The following ATP8A2 variants were observed in gnomAD, a reference collection of about 807,000 sequenced individuals.
ATP8A2 encodes ATPase phospholipid transporting 8A2.
ATP8A2 carries 100 observed loss-of-function variants against 165.6 expected under a neutral mutation model. The observed-to-expected ratio is 0.60, with a 90% CI of 0.51 to 0.71. ATP8A2 has a LOEUF of 0.71. Ranked by LOEUF, ATP8A2 falls within the 30% of genes least tolerant of loss-of-function variation. ATP8A2 has a pLI of 0.00. For missense variants in ATP8A2, 1,227 were observed against 1,479.5 expected, an observed-to-expected ratio of 0.83 and a Z score of 2.80; for synonymous variants, 543 against 548.8, an observed-to-expected ratio of 0.99 and a Z score of 0.15.
chr13:25,878,470 T>A (rs1952880825), intron 33 of ATP8A2, among the ~76,000 whole-genome samples: 1 of 84,380 alleles, frequency 1.2e-5, no homozygotes, highest in South Asian at 3.0e-4. Flanking sequence ...GAATGACTAT[T>A]CCATAGGCAG....
intron 36 of ATP8A2, among the ~76,000 whole-genome samples, chr13:26,013,207 C>G (rs1956886567): frequency 6.6e-6 from 1 of 152,072 alleles, no homozygotes; most frequent in Non-Finnish European, 1.5e-5. Context: ...TGAGGCAGAT[C>G]CAGGCCACCT....
chr13:25,896,823 A>G (rs1053396125), intron 33 of ATP8A2, among the ~76,000 whole-genome samples: 2 of 152,048 alleles, frequency 1.3e-5, no homozygotes, highest in African/African-American at 4.8e-5. Context: ...TTGTTGGTTT[A>G]AAGTCTGTTT....
chr13:25,395,033 T>A (rs896149838), intron 1 of ATP8A2, among the ~76,000 whole-genome samples: 1 of 152,264 alleles, frequency 6.6e-6, no homozygotes, highest in African/African-American at 2.4e-5. Context: ...CTCTAGCCTA[T>A]GTACTTCTTT....
chr13:25,810,935 T>C (rs1324511698), intron 27 of ATP8A2, among the ~76,000 whole-genome samples: 1 of 152,236 alleles, frequency 6.6e-6, no homozygotes, highest in Non-Finnish European at 1.5e-5. Context: ...GATACAATTC[T>C]GATTATGTTT....
At chr13:25,831,133 CCTG>C (rs1186617420) in intron 28 of ATP8A2, among the ~76,000 whole-genome samples, 1 of 152,060 alleles carries the variant, frequency 6.6e-6, no homozygotes, top group Non-Finnish European at 1.5e-5. Context: ...GTATTTCTCT[CCTG>C]CTTTTTCTTC....
chr13:26,012,382 G>T, intron 35 of ATP8A2, 149 bp from the exon 36 acceptor site: 1 of 652,442 alleles, frequency 1.5e-6, no homozygotes. Flanking sequence ...GATGGCATCT[G>T]CTGGAAATCA....
chr13:25,929,443 C>A (rs1373422479), intron 33 of ATP8A2, among the ~76,000 whole-genome samples: 5 of 152,234 alleles, frequency 3.3e-5, no homozygotes, highest in African/African-American at 4.8e-5. Context: ...TTCAGAATTA[C>A]ATTGGGTCAC....
At chr13:25,731,913 A>T (rs1440481091) in intron 25 of ATP8A2, among the ~76,000 whole-genome samples, 1 of 152,172 alleles carries the variant, frequency 6.6e-6, no homozygotes, top group Admixed American at 6.5e-5. Context: ...CTGAAAATGG[A>T]AGTGGTTGAT....
chr13:25,379,512 T>C (rs1230776384), intron 1 of ATP8A2, among the ~76,000 whole-genome samples: 1 of 152,244 alleles, frequency 6.6e-6, no homozygotes, highest in African/African-American at 2.4e-5. Flanking sequence ...ATTTGGTTAC[T>C]GCACCATGGG....
intron 15 of ATP8A2, among the ~76,000 whole-genome samples, chr13:25,560,895 T>G (rs2039127365): frequency 6.6e-6 from 1 of 151,392 alleles, no homozygotes; most frequent in African/African-American, 2.4e-5. Context: ...TTTTTCCTTT[T>G]TTTTTTTTTG....
intron 24 of ATP8A2, among the ~76,000 whole-genome samples, chr13:25,644,804 A>G (rs951665373): frequency 4.6e-5 from 7 of 152,128 alleles, no homozygotes; most frequent in Admixed American, 1.3e-4. Context: ...GTAGAAATTT[A>G]TCCACTTATT....
At chr13:25,748,497 T>C (rs1391878608) in intron 25 of ATP8A2, among the ~76,000 whole-genome samples, 6 of 152,214 alleles carry the variant, frequency 3.9e-5, no homozygotes, top group Non-Finnish European at 8.8e-5. Flanking sequence ...GTAAGATATT[T>C]GTTGCTTTTT....
chr13:25,437,336 G>A (rs1470930363), intron 1 of ATP8A2, among the ~76,000 whole-genome samples: 1 of 152,136 alleles, frequency 6.6e-6, no homozygotes, highest in African/African-American at 2.4e-5. Flanking sequence ...TGGAAGGTGT[G>A]CCCATAACCT....
chr13:25,600,681 A>G (rs2040360082), intron 24 of ATP8A2, among the ~76,000 whole-genome samples: 1 of 152,146 alleles, frequency 6.6e-6, no homozygotes, highest in Non-Finnish European at 1.5e-5. Context: ...AGATGGTAGA[A>G]TGTGGTCTCT....
Position 25,441,186 on chromosome 13 carries a change from T to G in ATP8A2, c.77-27791T>G, listed in dbSNP as rs145187584. Among the ~76,000 whole-genome samples, 547 of 152,336 alleles carry G rather than the reference T, an allele frequency of 3.6e-3. 1 individual carries two copies. The highest frequency in any genetic ancestry group is 0.012 in the South Asian group (58 of 4,828). On this transcript the variant is annotated intron_variant, in intron 1 of 36. Coordinates refer to ENST00000381655, the MANE Select transcript of ATP8A2 (RefSeq NM_016529.6). ...TTTTTGTTAGGTTTTTAATTTGCTCTTACAGCTTAGAACAGTGATGAAATG... is the reference window on the plus strand; with the variant it reads ...TTTTTGTTAGGTTTTTAATTTGCTCGTACAGCTTAGAACAGTGATGAAATG...
chr13:25,468,217 C>A (rs1245176488), intron 1 of ATP8A2, among the ~76,000 whole-genome samples: 2 of 152,166 alleles, frequency 1.3e-5, no homozygotes, highest in East Asian at 1.9e-4. Flanking sequence ...GGACTGAAAT[C>A]AAATCTTGAG....
chr13:25,918,757 C>T (rs1420284554), intron 33 of ATP8A2, among the ~76,000 whole-genome samples: 2 of 152,288 alleles, frequency 1.3e-5, no homozygotes, highest in African/African-American at 2.4e-5. Flanking sequence ...GTCTCCCATC[C>T]CTCCCAGCAG....
intron 2 of ATP8A2, among the ~76,000 whole-genome samples, chr13:25,508,578 A>G: frequency 6.6e-6 from 1 of 152,254 alleles, no homozygotes; most frequent in East Asian, 1.9e-4. Flanking sequence ...AATGTCTCAT[A>G]CTTGTGGAAC....
intron 25 of ATP8A2, among the ~76,000 whole-genome samples, chr13:25,766,579 C>T (rs905864852): frequency 6.6e-6 from 1 of 152,092 alleles, no homozygotes; most frequent in African/African-American, 2.4e-5. Context: ...TTATCATCAC[C>T]GCCACGAGAG....
Sources: allele counts gnomAD v4.1 joint callset (sites outside exome capture counted in the v4.1 genomes callset), GRCh38; gene constraint gnomAD v4.1.1; transcripts MANE v1.5; gene names NCBI Gene and HGNC (gene_info 2026-07-23, HGNC 2026-07-21).